The following SPOCK1 variants were observed in gnomAD, a reference collection of about 807,000 sequenced individuals.
SPOCK1 encodes the protein SPARC (osteonectin), cwcv and kazal like domains proteoglycan 1.
A neutral mutation model predicts 55.3 loss-of-function variants in SPOCK1; 23 were observed. The observed-to-expected ratio is 0.42, with a 90% confidence interval of 0.30 to 0.59. The LOEUF is 0.59. SPOCK1 is among the 20% of genes least tolerant of loss of function. The pLI is 0.22. For missense variants in SPOCK1, 499 were observed against 552.5 expected, an observed-to-expected ratio of 0.90 and a Z score of 0.97; for synonymous variants, 226 against 221.0, an observed-to-expected ratio of 1.02 and a Z score of -0.20.
intron 3 of SPOCK1, among the ~76,000 whole-genome samples, chr5:137,161,640 C>A (rs1754559646): frequency 6.6e-6 from 1 of 152,080 alleles, no homozygotes; most frequent in African/African-American, 2.4e-5. Flanking sequence ...TCACTCAGAG[C>A]AGCCAGTACC....
chr5:137,347,592 G>C (rs111568699), intron 2 of SPOCK1, among the ~76,000 whole-genome samples: 1 of 152,048 alleles, frequency 6.6e-6, no homozygotes, highest in East Asian at 1.9e-4. Flanking sequence ...GTGGTGGCAC[G>C]GGCCTGTTAG....
chr5:137,479,133 A>C (rs1477909993), intron 2 of SPOCK1, among the ~76,000 whole-genome samples: 1 of 151,708 alleles, frequency 6.6e-6, no homozygotes. Context: ...AAACTGGAGC[A>C]CCTGCAAGAA....
At chr5:137,471,028 T>G (rs972383837) in intron 2 of SPOCK1, among the ~76,000 whole-genome samples, 1 of 152,220 alleles carries the variant, frequency 6.6e-6, no homozygotes, top group Non-Finnish European at 1.5e-5. Flanking sequence ...TTAATTGTAA[T>G]ATGAGTTAAC....
intron 8 of SPOCK1, 31 bp downstream of exon 8, chr5:136,988,391 C>A: frequency 1.3e-6 from 2 of 1,596,536 alleles, no homozygotes; most frequent in Middle Eastern, 1.7e-4. Flanking sequence ...CTGCCCTGGG[C>A]TAGGGACCCC....
At chr5:137,333,539 T>C (rs1274893395) in intron 2 of SPOCK1, among the ~76,000 whole-genome samples, 1 of 152,166 alleles carries the variant, frequency 6.6e-6, no homozygotes, top group East Asian at 1.9e-4. Context: ...CTGGTCTTCC[T>C]GATAAGTCCG....
intron 4 of SPOCK1, among the ~76,000 whole-genome samples, chr5:137,136,387 T>A (rs1376035622): frequency 6.6e-6 from 1 of 152,020 alleles, no homozygotes; most frequent in Non-Finnish European, 1.5e-5. Flanking sequence ...TGATGGAGAC[T>A]GTCTCAAAAA....
intron 3 of SPOCK1, among the ~76,000 whole-genome samples, chr5:137,160,934 T>C (rs1340473513): frequency 6.8e-6 from 1 of 146,810 alleles, no homozygotes; most frequent in South Asian, 2.1e-4. Context: ...ATGTTTATAG[T>C]GGCACAATTC....
chr5:137,261,780 T>A (rs183695210), intron 3 of SPOCK1, among the ~76,000 whole-genome samples: 158 of 152,332 alleles, frequency 1.0e-3, no homozygotes, highest in African/African-American at 3.7e-3. Context: ...AACCCACTTG[T>A]CTCAGGAAAG....
At chr5:137,449,886 CAAAAAAAAAAAAAAAAAAA>C (rs562723108) in intron 2 of SPOCK1, among the ~76,000 whole-genome samples, 4 of 52,912 alleles carry the variant, frequency 7.6e-5, no homozygotes, top group African/African-American at 3.2e-4. Context: ...GATGCTGTCT[CAAAAAAAAAAAAAAAAAAA>C]AAAAAAAAAA....
At chr5:137,245,230 T>C (rs150220504) in intron 3 of SPOCK1, among the ~76,000 whole-genome samples, 269 of 152,236 alleles carry the variant, frequency 1.8e-3, no homozygotes, top group African/African-American at 6.2e-3. Flanking sequence ...ACATCATATT[T>C]CACTAGGATT....
At chr5:137,184,407 G>A (rs1215302921) in intron 3 of SPOCK1, among the ~76,000 whole-genome samples, 1 of 152,154 alleles carries the variant, frequency 6.6e-6, no homozygotes, top group Non-Finnish European at 1.5e-5. Flanking sequence ...GACCCAGATT[G>A]TTGGGTCTGT....
intron 2 of SPOCK1, among the ~76,000 whole-genome samples, chr5:137,381,904 G>T (rs1218846439): frequency 6.6e-6 from 1 of 152,202 alleles, no homozygotes; most frequent in Non-Finnish European, 1.5e-5. Context: ...CCAAAAATGG[G>T]TTTTTTGTTT....
chr5:137,405,934 T>G (rs1752089663), intron 2 of SPOCK1, among the ~76,000 whole-genome samples: 1 of 152,160 alleles, frequency 6.6e-6, no homozygotes, highest in Non-Finnish European at 1.5e-5. Flanking sequence ...TTCACCCATT[T>G]GGCCCACGAA....
chr5:137,313,291 A>G (rs1757820074), intron 2 of SPOCK1: 4 of 410,140 alleles, frequency 9.8e-6, no homozygotes, highest in Non-Finnish European at 9.9e-6. Flanking sequence ...TATTAGCCTT[A>G]TTGATAGGAC....
At chr5:137,248,677 A>G (rs985481336) in intron 3 of SPOCK1, among the ~76,000 whole-genome samples, 4 of 152,222 alleles carry the variant, frequency 2.6e-5, no homozygotes, top group African/African-American at 9.7e-5. Flanking sequence ...ACAGATAGAG[A>G]TGAGTGAGAA....
intron 3 of SPOCK1, among the ~76,000 whole-genome samples, chr5:137,160,558 T>TATATAATATATATAATATATA (rs1754516025): frequency 5.2e-5 from 3 of 57,284 alleles, no homozygotes; most frequent in African/African-American, 2.3e-4. Context: ...TAATATATAT[T>TATATAATATATATAATATATA]ATATATTATA....
intron 4 of SPOCK1, among the ~76,000 whole-genome samples, chr5:137,116,577 C>T (rs962109212): frequency 4.7e-4 from 71 of 151,566 alleles, no homozygotes; most frequent in Admixed American, 3.2e-3. Context: ...ACACGGCAGG[C>T]GGAGGTTACA....
intron 2 of SPOCK1, among the ~76,000 whole-genome samples, chr5:137,366,316 C>T (rs1751060520): frequency 6.6e-6 from 1 of 151,750 alleles, no homozygotes; most frequent in Non-Finnish European, 1.5e-5. Context: ...ATAAAATAGA[C>T]AATAATACCA....
At chr5:137,313,886 A>T (rs17703530) in intron 2 of SPOCK1, among the ~76,000 whole-genome samples, 3,318 of 150,000 alleles carry the variant, frequency 0.022, 94 homozygotes, top group East Asian at 0.12. Context: ...TTCCCACAGA[A>T]GAGAGCAGCA....
Sources: allele counts gnomAD v4.1 joint callset (sites outside exome capture counted in the v4.1 genomes callset), GRCh38; gene constraint gnomAD v4.1.1; transcripts MANE v1.5; gene names NCBI Gene and HGNC (gene_info 2026-07-23, HGNC 2026-07-21).